CHST12: variants seen among roughly 807,000 people sequenced by gnomAD.
The protein encoded by CHST12 is carbohydrate (chondroitin 4) sulfotransferase 12.
Under a neutral mutation model 27.9 loss-of-function variants are expected in CHST12, and 23 were observed. The observed-to-expected ratio is 0.82, with a 90% confidence interval of 0.59 to 1.17. CHST12 has a LOEUF of 1.17. Among genes scored for constraint, CHST12 ranks in the 50% most tolerant of loss-of-function variants. The probability of loss-of-function intolerance (pLI) is 0.00; values close to 1 mark genes in which losing one functional copy is unlikely to be tolerated. For synonymous variants in CHST12, 322 were observed against 273.0 expected, an observed-to-expected ratio of 1.18 and a Z score of -1.77; for missense variants, 682 against 603.0, an observed-to-expected ratio of 1.13 and a Z score of -1.37.
At position 2,446,567 on chromosome 7, in the gene CHST12, G is replaced by C. The variant is rs374457677; in HGVS notation, c.*12683G>C. The C allele has an allele frequency of 1.0e-4, 16 of 152,784 alleles. No homozygotes were observed. Among genetic ancestry groups the C allele is most frequent in the African/African-American group, 3.9e-4 (16 of 41,462 alleles). The allele number at this position is 152,784 out of a possible 1,614,324, so 9.5% of individuals were successfully genotyped here. On this transcript the variant is annotated 3_prime_UTR_variant, in exon 2 of 2. Transcript: ENST00000618655. ...GACCCCTGGCTGTGCCCACGTCGGG[G>C]CTTCCCGTTCCTTACCTGCCATGAG...
Position 2,433,447 on chromosome 7 carries a change from T to G in CHST12, c.808T>G (p.Phe270Val). ...GGAGAACGAGGAGTTCTACCGCAAG[T>G]TCGCCGTGCCCATGCTGCGGCTGTA... The part of the protein sequence containing the change: ...ELENEEFYRK[F>V]AVPMLRLYAN... Residue 270 changes from phenylalanine to valine, a missense_variant, in exon 2 of 2, where the codon TTC becomes GTC. Transcript: ENST00000618655. This position sits in a 1 kb window ranked among gnomAD's most constrained non-coding sequence, Gnocchi z 6.1. 6.2e-7 allele frequency: 1 copy of G among 1,610,198 alleles called. No individual in the cohort carries two copies. Among genetic ancestry groups the G allele is most frequent in the Non-Finnish European group, 8.5e-7 (1 of 1,179,914 alleles).
In CHST12 at chr7:2,433,331, T is replaced by G; in HGVS notation, c.692T>G (p.Met231Arg). 6.2e-7 allele frequency: 1 copy of G among 1,612,792 alleles called. No individual in the cohort carries two copies. The highest frequency in any genetic ancestry group is 1.3e-5 in the African/African-American group (1 of 75,048). Residue 231 changes from methionine to arginine, a missense_variant, in exon 2 of 2, where the codon ATG (methionine) becomes AGG (arginine). Transcript: ENST00000618655. The surrounding 1 kb of genome is among the most constrained non-coding windows in gnomAD (Gnocchi z 6.1). ...RRYGKLSRHL[M>R]KVKLKKYTKF... Reference sequence around the variant, plus strand: ...TACGGGAAGCTCTCCCGCCACCTCATGAAGGTCAAGCTCAAGAAGTACACC... The same window carrying G: ...TACGGGAAGCTCTCCCGCCACCTCAGGAAGGTCAAGCTCAAGAAGTACACC...
At position 2,445,715 on chromosome 7, in the gene CHST12, C is replaced by T. The variant is rs1782736323; in HGVS notation, c.*11831C>T. ...AAGTGCTAGGATTATAAGTGTGAGC[C>T]ACCACACCAGGCCCGTTTCATCCCT... On this transcript the variant is annotated 3_prime_UTR_variant, in exon 2 of 2. Coordinates refer to ENST00000618655, the MANE Select transcript of CHST12 (RefSeq NM_018641.5). 1 of 152,226 alleles carries T rather than the reference C, an allele frequency of 6.6e-6. No individual in the cohort carries two copies. The highest frequency in any genetic ancestry group is 2.4e-5 in the African/African-American group (1 of 41,440). 9.4% of individuals were successfully genotyped at this position (152,226 alleles called of 1,614,324 possible). A position where few individuals can be genotyped will look rare whatever the true frequency, so the allele number is the denominator to read the frequency against.
chr7:2,433,709 A>G lies in CHST12; in HGVS notation c.1070A>G (p.Gln357Arg), dbSNP rs549186201. Residue 357 changes from glutamine to arginine, a missense_variant, in exon 2 of 2, where the codon CAG becomes CGG. Coordinates refer to ENST00000618655, the MANE Select transcript of CHST12 (RefSeq NM_018641.5). This position sits in a 1 kb window ranked among gnomAD's most constrained non-coding sequence, Gnocchi z 6.1. ...EDAAQLLQLL[Q>R]VDRQLRFPPS... ...GCCGCGCAGCTGCTGCAGCTACTCC[A>G]GGTGGACCGGCAGCTCCGCTTCCCC... 51 of 1,613,712 alleles carry G rather than the reference A, an allele frequency of 3.2e-5. No individual in the cohort carries two copies. The South Asian group carries it at 5.2e-4, about 16-fold the overall frequency.
At position 2,432,560 on chromosome 7, in the gene CHST12, C is replaced by T. The variant is rs894294125; in HGVS notation, c.-77-3C>T. 7.5e-6 allele frequency: 11 copies of T among 1,459,122 alleles called. No individual in the cohort carries two copies. The highest frequency in any genetic ancestry group is 1.8e-6 in the Non-Finnish European group (2 of 1,081,312). The allele number at this position is 1,459,122 out of a possible 1,614,324, so 90.4% of individuals were successfully genotyped here. Reference sequence around the variant, plus strand: ...ATTAACTAGTGTGTCATTGCATCTGCAGGTTCCCAGCAGGATGCCCCGGCT... The same window carrying T: ...ATTAACTAGTGTGTCATTGCATCTGTAGGTTCCCAGCAGGATGCCCCGGCT... On this transcript the variant is annotated splice_region_variant and splice_polypyrimidine_tract_variant and intron_variant, in intron 1 of 1. Transcript: ENST00000618655.
rs766151168 is a variant in CHST12, at chr7:2,433,759, A to G, written c.1120A>G (p.Ser374Gly). Residue 374 changes from serine to glycine, a missense_variant, in exon 2 of 2, where the codon AGC becomes GGC. By Grantham distance (56) the Ser-to-Gly change is moderately conservative. Coordinates refer to ENST00000618655, the MANE Select transcript of CHST12 (RefSeq NM_018641.5). This position sits in a 1 kb window ranked among gnomAD's most constrained non-coding sequence, Gnocchi z 6.1. ...CCCGAGCTACCGGAACAGGACCGCC[A>G]GCAGCTGGGAGGAGGACTGGTTCGC... ...FPPSYRNRTA[S>G]SWEEDWFAKI... The G allele has an allele frequency of 3.1e-6, 5 of 1,613,984 alleles. No homozygotes were observed. In the South Asian group the frequency reaches 5.5e-5, roughly 18 times the overall value.
Position 2,433,236 on chromosome 7 carries a change from G to C in CHST12, c.597G>C (p.Pro199=), listed in dbSNP as rs886870486. Residue 199 remains proline, a synonymous_variant, in exon 2 of 2, where the codon CCG becomes CCC. Transcript: ENST00000618655. This position sits in a 1 kb window ranked among gnomAD's most constrained non-coding sequence, Gnocchi z 6.1. ...LLHRGAPYRD[P]LRIPREHVHN... ...ACCGCGGTGCGCCCTACCGCGACCC[G>C]CTGCGCATCCCGCGCGAGCACGTGC... is the stretch of plus-strand genomic sequence containing the variant. 1.2e-6 allele frequency: 2 copies of C among 1,611,524 alleles called. No individual in the cohort carries two copies. The highest frequency in any genetic ancestry group is 1.3e-5 in the African/African-American group (1 of 74,870).
At chr7:2,407,045 A>T (rs7808353) in intron 1 of CHST12, among the ~76,000 whole-genome samples, 19,559 of 150,540 alleles carry the variant, frequency 0.13, 1,449 homozygotes, top group South Asian at 0.17. Flanking sequence ...TGTAAAAAAA[A>T]AAAATAAAAG....
At position 2,432,983 on chromosome 7, in the gene CHST12, C is replaced by T; in HGVS notation, c.344C>T (p.Pro115Leu). The T allele has an allele frequency of 6.2e-7, 1 of 1,610,188 alleles. No individual in the cohort carries two copies. The change falls in exon 2 of 2, where the codon CCA (proline) becomes CTA (leucine). Residue 115 changes from proline to leucine, a missense_variant. Coordinates refer to ENST00000618655, the MANE Select transcript of CHST12 (RefSeq NM_018641.5). ...DWSPRDARRS[P>L]DQGRQQAERR... ...TCCCCGCGCGACGCCCGGCGCAGCC[C>T]AGACCAGGGCCGGCAGCAGGCGGAG...
At chr7:2,428,101 ATTCT>A (rs1562517575) in intron 1 of CHST12, among the ~76,000 whole-genome samples, 1 of 151,678 alleles carries the variant, frequency 6.6e-6, no homozygotes, top group African/African-American at 2.4e-5. Context: ...CTATGCTGTG[ATTCT>A]TTCTATACAC....
chr7:2,423,177 G>T (rs1019468040), intron 1 of CHST12, among the ~76,000 whole-genome samples: 1 of 152,114 alleles, frequency 6.6e-6, no homozygotes, highest in Admixed American at 6.5e-5. Context: ...GGAGGCTGAG[G>T]CATGAGAATC....
intron 1 of CHST12, among the ~76,000 whole-genome samples, chr7:2,414,601 G>A (rs906320717): frequency 7.9e-5 from 12 of 152,052 alleles, no homozygotes; most frequent in Non-Finnish European, 1.6e-4. Flanking sequence ...TTCTTTAATG[G>A]TAAAATTTGA....
intron 1 of CHST12, among the ~76,000 whole-genome samples, chr7:2,431,803 G>A (rs780492076): frequency 5.9e-5 from 9 of 152,144 alleles, no homozygotes; most frequent in Admixed American, 3.3e-4. Context: ...ATTGGCATTC[G>A]ACTTAAGTAG....
rs754936215 is a variant in CHST12 at position 2,432,724 on chromosome 7, G to T, written c.85G>T (p.Ala29Ser). ...GCTGATCATCGTGTACTGGGACAGC[G>T]CAGGCGCCGCGCACTTCTACTTGCA... ...ILLIIVYWDS[A>S]GAAHFYLHTS... Residue 29 changes from alanine to serine, a missense_variant, in exon 2 of 2, where the codon GCA becomes TCA. Transcript: ENST00000618655. 1 of 1,613,982 alleles carries T rather than the reference G, an allele frequency of 6.2e-7. No individual in the cohort carries two copies. The highest frequency in any genetic ancestry group is 1.1e-5 in the South Asian group (1 of 91,080).
rs1388926277 is a variant in CHST12, at chr7:2,443,048, A to C, written c.*9164A>C. 3.3e-5 allele frequency: 5 copies of C among 152,084 alleles called. No homozygotes were observed. Among genetic ancestry groups the C allele is most frequent in the African/African-American group, 1.2e-4 (5 of 41,384 alleles). 9.4% of individuals were successfully genotyped at this position (152,084 alleles called of 1,614,324 possible). ...GTGGTTCTCCTGCCTCAGCCTCCCAAGTAGCTGGGATTACAGGTGCCCGCC... is the reference window on the plus strand; with the variant it reads ...GTGGTTCTCCTGCCTCAGCCTCCCACGTAGCTGGGATTACAGGTGCCCGCC... On this transcript the variant is annotated 3_prime_UTR_variant, in exon 2 of 2. Transcript: ENST00000618655.
rs1020950647 is a variant in CHST12, at chr7:2,435,433, CT to C, written c.*1550del. 6.6e-6 allele frequency: 1 copy of C among 152,224 alleles called. No individual in the cohort carries two copies. Among genetic ancestry groups the C allele is most frequent in the Non-Finnish European group, 1.5e-5 (1 of 68,062 alleles). The allele number at this position is 152,224 out of a possible 1,614,324, so 9.4% of individuals were successfully genotyped here. A position where few individuals can be genotyped will look rare whatever the true frequency, so the allele number is the denominator to read the frequency against. On this transcript the variant is annotated 3_prime_UTR_variant, in exon 2 of 2. Coordinates refer to ENST00000618655, the MANE Select transcript of CHST12 (RefSeq NM_018641.5). ...AGTGCCTTCACCCTCAAGGACACGA[CT>C]GACCTTGAACCCTCAGGTTTGATGG...
chr7:2,405,624 G>A (rs1781503340), intron 1 of CHST12, among the ~76,000 whole-genome samples: 1 of 152,144 alleles, frequency 6.6e-6, no homozygotes, highest in African/African-American at 2.4e-5. Flanking sequence ...GTAGCCTTGT[G>A]GGGCGTGGGT....
Position 2,432,981 on chromosome 7 carries a change from C to T in CHST12, c.342C>T (p.Ser114=), listed in dbSNP as rs1044236800. Residue 114 remains serine (S), a synonymous_variant, in exon 2 of 2, where the codon AGC becomes AGT. Coordinates refer to ENST00000618655, the MANE Select transcript of CHST12 (RefSeq NM_018641.5). ...YDWSPRDARR[S]PDQGRQQAER... The stretch of plus-strand genomic sequence containing the variant: ...GGTCCCCGCGCGACGCCCGGCGCAG[C>T]CCAGACCAGGGCCGGCAGCAGGCGG... The T allele has an allele frequency of 2.5e-6, 4 of 1,610,120 alleles. No homozygotes were observed. Among genetic ancestry groups the T allele is most frequent in the East Asian group, 4.5e-5 (2 of 44,822 alleles).
chr7:2,409,229 G>T (rs1246929120), intron 1 of CHST12, among the ~76,000 whole-genome samples: 1 of 152,138 alleles, frequency 6.6e-6, no homozygotes, highest in Non-Finnish European at 1.5e-5. Flanking sequence ...CTGCATTTTC[G>T]CCTGTCGCCT....
Sources: allele counts gnomAD v4.1 joint callset (sites outside exome capture counted in the v4.1 genomes callset), GRCh38; gene constraint gnomAD v4.1.1; non-coding constraint Gnocchi (gnomAD v3.1); transcripts MANE v1.5; gene names NCBI Gene and HGNC (gene_info 2026-07-23, HGNC 2026-07-21).